The following GLI3 variants were observed in gnomAD, a reference collection of about 807,000 sequenced individuals.
The protein encoded by GLI3 is GLI family zinc finger 3, also known as transcription activator GLI3.
GLI3 carries 20 observed loss-of-function variants against 100.8 expected under a neutral mutation model. That is an observed-to-expected ratio of 0.20 (90% confidence interval 0.14 to 0.29). The LOEUF (loss-of-function observed/expected upper bound fraction) is 0.29. Ranked by LOEUF, GLI3 falls within the 10% of genes least tolerant of loss-of-function variation. GLI3 has a pLI of 1.00. For synonymous variants in GLI3, 938 were observed against 860.5 expected (o/e 1.09, Z -1.58); for missense variants, 2,040 against 2,128.5 (o/e 0.96, Z 0.82).
intron 10 of GLI3, among the ~76,000 whole-genome samples, chr7:42,020,452 T>C (rs1408828438): frequency 6.6e-6 from 1 of 152,118 alleles, no homozygotes; most frequent in African/African-American, 2.4e-5. Context: ...TAGCAGGCAG[T>C]CGGGACTGTC....
At chr7:42,236,080 C>T (rs539880703) in intron 1 of GLI3, among the ~76,000 whole-genome samples, 2 of 152,002 alleles carry the variant, frequency 1.3e-5, no homozygotes, top group South Asian at 2.1e-4. Flanking sequence ...CAATGGGGGA[C>T]AGGAGCACAA....
At chr7:42,098,150 G>A (rs1001056466) in intron 3 of GLI3, among the ~76,000 whole-genome samples, 40 of 152,042 alleles carry the variant, frequency 2.6e-4, no homozygotes, top group South Asian at 6.3e-4. Flanking sequence ...GAAACGACAC[G>A]TGAAGAAGAG....
At chr7:42,122,940 G>A (rs1302502261) in intron 3 of GLI3, among the ~76,000 whole-genome samples, 1 of 152,104 alleles carries the variant, frequency 6.6e-6, no homozygotes, top group Admixed American at 6.5e-5. Context: ...ATGTCCAAAA[G>A]GATAAATCTG....
intron 2 of GLI3, among the ~76,000 whole-genome samples, chr7:42,191,661 T>A (rs1011894546): frequency 2.7e-5 from 4 of 150,744 alleles, no homozygotes; most frequent in African/African-American, 9.7e-5. Context: ...AAAAAATATA[T>A]ATATATATAT....
In GLI3 at chr7:42,218,295, T is replaced by TA. The variant is rs201094629; in HGVS notation, c.124+4834dup. ...GAACTGGCACATATACTCTTACCAT[T>TA]AAAAAAAAGTCAAGGAGACAAGAGC... On this transcript the variant is annotated intron_variant, in intron 2 of 14. Transcript: ENST00000395925. Among the ~76,000 whole-genome samples, 265 of 151,346 alleles carry TA rather than the reference T, an allele frequency of 1.8e-3. 1 individual carries two copies. Among genetic ancestry groups the TA allele is most frequent in the African/African-American group, 6.1e-3 (254 of 41,324 alleles).
At chr7:41,983,814 C>T (rs1787738959) in intron 10 of GLI3, among the ~76,000 whole-genome samples, 1 of 152,186 alleles carries the variant, frequency 6.6e-6, no homozygotes, top group Non-Finnish European at 1.5e-5. Flanking sequence ...ACTGAGCTTC[C>T]CGATGGGTCC....
Position 42,187,501 on chromosome 7 carries a change from T to C in GLI3, c.124+35629A>G, listed in dbSNP as rs546465518. On this transcript the variant is annotated intron_variant, in intron 2 of 14. Coordinates refer to ENST00000395925, the MANE Select transcript of GLI3 (RefSeq NM_000168.6). ...TGGTATTATTAATTTTCTAATAAGA[T>C]TTTCATTATTTTTTAAAGCTGAGTA... 8.5e-5 allele frequency among the ~76,000 whole-genome samples: 13 copies of C among 152,230 alleles called. No individual in the cohort carries two copies. The East Asian group carries it at 1.2e-3, about 14-fold the overall frequency.
chr7:42,256,658 A>G (rs1164344306), intron 1 of GLI3, among the ~76,000 whole-genome samples: 1 of 152,190 alleles, frequency 6.6e-6, no homozygotes. Context: ...TCCTGCATTA[A>G]TATCATACTG....
chr7:42,247,353 A>G (rs1034238262), intron 1 of GLI3, among the ~76,000 whole-genome samples: 4 of 152,076 alleles, frequency 2.6e-5, no homozygotes, highest in Non-Finnish European at 5.9e-5. Context: ...TGTAACCCAA[A>G]CACCACTGAT....
At chr7:42,211,646 A>G (rs1251820224) in intron 2 of GLI3, among the ~76,000 whole-genome samples, 1 of 152,114 alleles carries the variant, frequency 6.6e-6, no homozygotes, top group Non-Finnish European at 1.5e-5. Flanking sequence ...GTCTCAGATT[A>G]TTTTTCTTAT....
intron 8 of GLI3, 134 bp downstream of exon 8, chr7:42,026,065 C>T: frequency 1.4e-6 from 1 of 694,834 alleles, no homozygotes; most frequent in East Asian, 2.7e-5. Context: ...TAGACCTCAG[C>T]ATTAAGAAGA....
intron 2 of GLI3, among the ~76,000 whole-genome samples, chr7:42,180,153 G>T (rs1787564579): frequency 6.6e-6 from 1 of 152,122 alleles, no homozygotes; most frequent in Admixed American, 6.5e-5. Context: ...AGTGGTGGGG[G>T]CGGAGGACAA....
intron 2 of GLI3, among the ~76,000 whole-genome samples, chr7:42,197,131 C>T (rs896659834): frequency 6.6e-6 from 1 of 152,162 alleles, no homozygotes; most frequent in Non-Finnish European, 1.5e-5. Context: ...GTCTGCAGGA[C>T]CCCCGTTACT....
At chr7:42,257,495 C>T (rs985077402) in intron 1 of GLI3, among the ~76,000 whole-genome samples, 3 of 152,034 alleles carry the variant, frequency 2.0e-5, no homozygotes, top group Non-Finnish European at 4.4e-5. Context: ...CAGGTGCCCG[C>T]CACCACACGT....
chr7:42,190,217 A>G (rs1384259866), intron 2 of GLI3, among the ~76,000 whole-genome samples: 1 of 152,136 alleles, frequency 6.6e-6, no homozygotes, highest in Non-Finnish European at 1.5e-5. Flanking sequence ...ACAATGGCAA[A>G]AATAAGTTAT....
At chr7:42,177,705 A>T (rs1471993227) in intron 2 of GLI3, among the ~76,000 whole-genome samples, 1 of 152,220 alleles carries the variant, frequency 6.6e-6, no homozygotes, top group Non-Finnish European at 1.5e-5. Flanking sequence ...TAATGTGAAA[A>T]AACATAGATG....
intron 2 of GLI3, among the ~76,000 whole-genome samples, chr7:42,181,417 AT>A (rs1787589964): frequency 6.6e-6 from 1 of 152,042 alleles, no homozygotes; most frequent in Non-Finnish European, 1.5e-5. Flanking sequence ...CTTGGGCAAC[AT>A]GATGAAACCC....
intron 3 of GLI3, among the ~76,000 whole-genome samples, chr7:42,144,197 T>C (rs944027907): frequency 1.3e-5 from 2 of 152,126 alleles, no homozygotes; most frequent in African/African-American, 2.4e-5. Context: ...CGGTTAGAAA[T>C]ACCTGGCTAC....
At chr7:42,169,001 G>A (rs529335517) in intron 2 of GLI3, among the ~76,000 whole-genome samples, 1 of 152,302 alleles carries the variant, frequency 6.6e-6, no homozygotes, top group South Asian at 2.1e-4. Context: ...GGTGCTGAAT[G>A]GGTCTGTTTC....
Sources: allele counts gnomAD v4.1 joint callset (sites outside exome capture counted in the v4.1 genomes callset), GRCh38; gene constraint gnomAD v4.1.1; transcripts MANE v1.5; gene names NCBI Gene and HGNC (gene_info 2026-07-23, HGNC 2026-07-21).